The following TUT7 variants were observed in gnomAD, a reference collection of about 807,000 sequenced individuals.
The protein encoded by TUT7 is terminal uridylyltransferase 7.
A neutral mutation model predicts 165.9 loss-of-function variants in TUT7; 33 were observed. The observed-to-expected ratio is 0.20, with a 90% confidence interval of 0.15 to 0.27. The LOEUF (loss-of-function observed/expected upper bound fraction) is 0.27, where lower values mean the gene tolerates loss of function less well. Ranked by LOEUF, TUT7 falls within the 10% of genes least tolerant of loss-of-function variation. The pLI, the probability that TUT7 is intolerant of heterozygous loss-of-function variation, is 1.00. For synonymous variants in TUT7, 552 were observed against 608.1 expected (o/e 0.91, Z 1.36); for missense variants, 1,338 against 1,762.3 (o/e 0.76, Z 4.31).
At chr9:86,288,858 G>A (rs936134490) in intron 26 of TUT7, 114 bp from the exon 27 acceptor site, 2 of 700,192 alleles carry the variant, frequency 2.9e-6, no homozygotes, top group Admixed American at 2.7e-5. Context: ...ACTAGAATTG[G>A]TCACTTGTTT....
chr9:86,290,579 T>C (rs1564016706), intron 26 of TUT7, among the ~76,000 whole-genome samples: 1 of 151,874 alleles, frequency 6.6e-6, no homozygotes, highest in East Asian at 1.9e-4. Flanking sequence ...CGGTGGCTCA[T>C]GCCTGTAATC....
chr9:86,296,415 A>G (rs1165651426), intron 26 of TUT7, among the ~76,000 whole-genome samples: 1 of 152,172 alleles, frequency 6.6e-6, no homozygotes, highest in Non-Finnish European at 1.5e-5. Flanking sequence ...CCTACTGAAT[A>G]TCTAAGGCAT....
intron 8 of TUT7, 28 bp downstream of exon 8, chr9:86,340,008 G>T: frequency 6.3e-7 from 1 of 1,587,516 alleles, no homozygotes; most frequent in Non-Finnish European, 8.7e-7. Flanking sequence ...TTGAGAGTTA[G>T]TAAATAAACA....
chr9:86,346,199 G>C, intron 3 of TUT7, 100 bp downstream of exon 3: 3 of 1,136,530 alleles, frequency 2.6e-6, no homozygotes, highest in Non-Finnish European at 3.8e-6. Context: ...GATAACCAAA[G>C]TAGGATATCT....
intron 17 of TUT7, among the ~76,000 whole-genome samples, chr9:86,315,429 G>C (rs1172459292): frequency 6.6e-6 from 1 of 152,214 alleles, no homozygotes; most frequent in Non-Finnish European, 1.5e-5. Context: ...AAGAAATTGA[G>C]AGCAAGCAAA....
intron 10 of TUT7, among the ~76,000 whole-genome samples, chr9:86,335,056 T>G (rs2131528332): frequency 6.6e-6 from 1 of 152,322 alleles, no homozygotes; most frequent in African/African-American, 2.4e-5. Flanking sequence ...GAGTTCACAC[T>G]TCCACACCAT....
intron 16 of TUT7, 93 bp downstream of exon 16, chr9:86,318,865 T>C (rs1473235548): frequency 3.2e-6 from 3 of 932,894 alleles, no homozygotes; most frequent in Admixed American, 4.3e-5. Flanking sequence ...TGGTATGCCC[T>C]GATAAATTTG....
rs770307301 is a variant in TUT7, at chr9:86,301,395, C to T, written c.4301G>A (p.Arg1434Lys). The T allele has an allele frequency of 5.6e-6, 9 of 1,614,024 alleles. No individual in the cohort carries two copies. In the Admixed American group the frequency reaches 1.3e-4, roughly 24 times the overall value. The change falls in exon 26 of 27, where the codon AGG becomes AAG. Residue 1434 changes from arginine (R) to lysine (K), a missense_variant. Arg to Lys is a conservative substitution (Grantham distance 26). Transcript: ENST00000375963. Reference sequence around the variant, plus strand: ...TCTCTTCCATTTTTCTACTGGTGGCCTGAGGATCTTCTCCCTCCCCAGGTC... The same window carrying T: ...TCTCTTCCATTTTTCTACTGGTGGCTTGAGGATCTTCTCCCTCCCCAGGTC... ...AADLGREKIL[R>K]PPVEKWKRQD...
intron 26 of TUT7, among the ~76,000 whole-genome samples, chr9:86,291,368 C>T (rs112029452): frequency 6.3e-4 from 96 of 152,062 alleles, no homozygotes; most frequent in African/African-American, 2.2e-3. Context: ...GTCAGGAGTT[C>T]AAGGCCAGCC....
chr9:86,295,224 TAAA>T (rs1826209630), intron 26 of TUT7, among the ~76,000 whole-genome samples: 1 of 152,282 alleles, frequency 6.6e-6, no homozygotes, highest in Non-Finnish European at 1.5e-5. Context: ...TTTTGCCTGT[TAAA>T]GAAGAGCTGA....
At chr9:86,316,974 G>T (rs542410299) in intron 17 of TUT7, among the ~76,000 whole-genome samples, 57 of 152,170 alleles carry the variant, frequency 3.7e-4, no homozygotes, top group Non-Finnish European at 7.6e-4. Flanking sequence ...ACTGTATTAG[G>T]TATTATAAGT....
At chr9:86,312,554 C>T (rs1828262699) in intron 17 of TUT7, among the ~76,000 whole-genome samples, 1 of 152,078 alleles carries the variant, frequency 6.6e-6, no homozygotes, top group East Asian at 2.0e-4. Flanking sequence ...TCTGCCCGGC[C>T]GCCCCTACTG....
At chr9:86,352,419 T>TACAGAAA in intron 2 of TUT7, 3 of 550,424 alleles carry the variant, frequency 5.5e-6, no homozygotes, top group Non-Finnish European at 9.6e-6. Context: ...AAAAACACGT[T>TACAGAAA]ACAGAAAACA....
Position 86,309,609 on chromosome 9 carries a change from G to A in TUT7, c.3469-33C>T, listed in dbSNP as rs777198248. The A allele has an allele frequency of 3.3e-6, 5 of 1,531,586 alleles. No individual in the cohort carries two copies. The African/African-American group carries it at 5.5e-5, about 17-fold the overall frequency. 94.9% of individuals were successfully genotyped at this position (1,531,586 alleles called of 1,614,324 possible). A position where few individuals can be genotyped will look rare whatever the true frequency, so the allele number is the denominator to read the frequency against. On this transcript the variant is annotated intron_variant, in intron 19 of 26. Coordinates refer to ENST00000375963, the MANE Select transcript of TUT7 (RefSeq NM_024617.4). ...GAAGGAAAACCAAGAACAAAGGAAA[G>A]GTCTGTTTTCTGCTAACTTTGCATC...
rs1832418116 is a variant in TUT7 at position 86,352,872 on chromosome 9, A to C, written c.328T>G (p.Ser110Ala). Residue 110 changes from serine to alanine, a missense_variant, in exon 2 of 27, where the codon TCA (serine) becomes GCA (alanine). Physicochemically the swap from Ser to Ala is moderately conservative, Grantham distance 99 (BLOSUM62 1). This residue lies in a region of TUT7 where 434 missense variants were observed against 480.8 expected (regional missense o/e 0.90). Transcript: ENST00000375963. Reference protein sequence around the residue: ...RWLSDEHTGNSDNWREFKPGP... With the variant: ...RWLSDEHTGNADNWREFKPGP... ...GGTTTGAATTCTCTCCAGTTGTCTG[A>C]ATTACCAGTATGTTCATCAGACAGC... 3 of 1,614,182 alleles carry C rather than the reference A, an allele frequency of 1.9e-6. No homozygotes were observed. The highest frequency in any genetic ancestry group is 2.5e-6 in the Non-Finnish European group (3 of 1,180,036).
intron 18 of TUT7, 119 bp downstream of exon 18, chr9:86,310,587 T>A: frequency 1.6e-6 from 1 of 624,414 alleles, no homozygotes. Flanking sequence ...GTAAGCATAA[T>A]AACTCTTGAA....
intron 17 of TUT7, among the ~76,000 whole-genome samples, chr9:86,312,554 C>G (rs1828262699): frequency 2.0e-5 from 3 of 152,078 alleles, no homozygotes; most frequent in South Asian, 4.2e-4. Flanking sequence ...TCTGCCCGGC[C>G]GCCCCTACTG....
intron 24 of TUT7, among the ~76,000 whole-genome samples, chr9:86,304,343 G>C (rs1827252991): frequency 2.0e-5 from 3 of 151,960 alleles, no homozygotes; most frequent in Non-Finnish European, 4.4e-5. Context: ...TTATTTTTTT[G>C]ACATAATTTT....
chr9:86,345,606 C>T (rs544542102), intron 4 of TUT7, 63 bp downstream of exon 4: 240 of 1,218,974 alleles, frequency 2.0e-4, no homozygotes, highest in Non-Finnish European at 2.7e-4. Flanking sequence ...AAGAAAGCCA[C>T]AAAGATGACA....
Sources: allele counts gnomAD v4.1 joint callset (sites outside exome capture counted in the v4.1 genomes callset), GRCh38; gene constraint gnomAD v4.1.1; regional missense constraint gnomAD v4.1.1; transcripts MANE v1.5; gene names NCBI Gene and HGNC (gene_info 2026-07-23, HGNC 2026-07-21).